Variants in MARCHF1 observed in about 807,000 individuals in gnomAD.
MARCHF1 encodes the protein membrane associated ring-CH-type finger 1.
In MARCHF1, 40 loss-of-function variants were observed where a neutral mutation model predicts 54.2. That is an observed-to-expected ratio of 0.74 (90% confidence interval 0.57 to 0.96). The LOEUF is 0.96. Among genes scored for constraint, MARCHF1 ranks in the 40% least tolerant of loss-of-function variants. MARCHF1 has a pLI of 0.00. For synonymous variants in MARCHF1, 236 were observed against 236.3 expected (o/e 1.00, Z 0.01); for missense variants, 586 against 656.5 (o/e 0.89, Z 1.17).
chr4:163,608,266 A>G (rs1741208818), intron 7 of MARCHF1, among the ~76,000 whole-genome samples: 1 of 152,052 alleles, frequency 6.6e-6, no homozygotes, highest in Non-Finnish European at 1.5e-5. Context: ...ATTTAAACTG[A>G]GAAAGAATAG....
chr4:164,023,218 C>G (rs1282190076), intron 2 of MARCHF1, among the ~76,000 whole-genome samples: 1 of 152,200 alleles, frequency 6.6e-6, no homozygotes. Context: ...GATCTCTGCT[C>G]TGGAGAGCCA....
intron 2 of MARCHF1, among the ~76,000 whole-genome samples, chr4:164,014,571 G>A (rs1753497242): frequency 6.6e-6 from 1 of 151,918 alleles, no homozygotes; most frequent in African/African-American, 2.4e-5. Flanking sequence ...AATGTAAATG[G>A]ACAAAATTAT....
rs557653938 is a variant in MARCHF1, at chr4:164,205,741, T to A, written c.-322-94079A>T. ...CAGTTGTCTATTTAAAAAAAAAAAA[T>A]TTCTCTAACTATTCTTGAATTTAAT... On this transcript the variant is annotated intron_variant, in intron 1 of 9. Transcript: ENST00000514618. Among the ~76,000 whole-genome samples, 9 of 152,146 alleles carry A rather than the reference T, an allele frequency of 5.9e-5. No homozygotes were observed. In the South Asian group the frequency reaches 6.2e-4, roughly 11 times the overall value.
At chr4:163,652,317 C>T (rs1185651420) in intron 5 of MARCHF1, among the ~76,000 whole-genome samples, 1 of 151,874 alleles carries the variant, frequency 6.6e-6, no homozygotes, top group African/African-American at 2.4e-5. Flanking sequence ...CATTCAAACA[C>T]TTTGCAGTGG....
At chr4:164,192,431 A>C (rs919194720) in intron 1 of MARCHF1, among the ~76,000 whole-genome samples, 12 of 152,214 alleles carry the variant, frequency 7.9e-5, no homozygotes, top group African/African-American at 2.9e-4. Flanking sequence ...ATGAGCCCTC[A>C]TAAGAGAGTC....
chr4:163,784,174 T>C (rs1747549530), intron 4 of MARCHF1, among the ~76,000 whole-genome samples: 1 of 151,996 alleles, frequency 6.6e-6, no homozygotes, highest in South Asian at 2.1e-4. Flanking sequence ...GTGGATAGTT[T>C]CAATTGACAA....
At chr4:164,232,539 A>G (rs184238854) in intron 1 of MARCHF1, among the ~76,000 whole-genome samples, 1 of 152,270 alleles carries the variant, frequency 6.6e-6, no homozygotes, top group African/African-American at 2.4e-5. Flanking sequence ...TAGAACTACT[A>G]TTTCTAAACC....
At chr4:163,918,275 G>A (rs1751353091) in intron 3 of MARCHF1, among the ~76,000 whole-genome samples, 1 of 152,044 alleles carries the variant, frequency 6.6e-6, no homozygotes, top group African/African-American at 2.4e-5. Flanking sequence ...CTTCTTTTGA[G>A]TTGCAAAGAC....
intron 1 of MARCHF1, among the ~76,000 whole-genome samples, chr4:164,339,768 G>A (rs1013346750): frequency 6.6e-6 from 1 of 152,014 alleles, no homozygotes; most frequent in Non-Finnish European, 1.5e-5. Context: ...AAAGATCAAT[G>A]AAACTGAGGT....
intron 1 of MARCHF1, among the ~76,000 whole-genome samples, chr4:164,192,382 C>T (rs1414879781): frequency 2.0e-5 from 3 of 152,252 alleles, no homozygotes; most frequent in South Asian, 2.1e-4. Flanking sequence ...TAATTATGCT[C>T]AGCTTCAAAG....
At chr4:163,645,103 A>G (rs1742704093) in intron 5 of MARCHF1, among the ~76,000 whole-genome samples, 1 of 152,158 alleles carries the variant, frequency 6.6e-6, no homozygotes, top group African/African-American at 2.4e-5. Flanking sequence ...ACATTTATCC[A>G]TAAACCTGGT....
intron 8 of MARCHF1, among the ~76,000 whole-genome samples, chr4:163,552,365 T>C (rs1739134178): frequency 6.6e-6 from 1 of 152,196 alleles, no homozygotes; most frequent in South Asian, 2.1e-4. Context: ...AGACAGTGTG[T>C]GCACGCAGCG....
intron 4 of MARCHF1, among the ~76,000 whole-genome samples, chr4:163,841,014 C>T (rs183633780): frequency 1.3e-5 from 2 of 151,928 alleles, no homozygotes; most frequent in African/African-American, 2.4e-5. Flanking sequence ...CTTTGTATAG[C>T]AAACTCAACA....
Position 163,529,036 on chromosome 4 carries a change from T to G in MARCHF1, c.1350A>C (p.Glu450Asp). The change falls in exon 10 of 10, where the codon GAA becomes GAC. Residue 450 changes from glutamate to aspartate, a missense_variant. By Grantham distance (45) the Glu-to-Asp change is conservative (BLOSUM62 2). Coordinates refer to ENST00000514618, the MANE Select transcript of MARCHF1 (RefSeq NM_001394959.1). ...IKQGNDNGVL[E>D]WPFWTKLVVV... ...CAACCAGTTTTGTCCAAAATGGCCA[T>G]TCAAGGACACCTTTGAAATGAAAAA... 1 of 1,604,990 alleles carries G rather than the reference T, an allele frequency of 6.2e-7. No individual in the cohort carries two copies. The highest frequency in any genetic ancestry group is 8.5e-7 in the Non-Finnish European group (1 of 1,173,714).
chr4:164,123,069 C>T (rs1473942901), intron 1 of MARCHF1, among the ~76,000 whole-genome samples: 2 of 152,104 alleles, frequency 1.3e-5, no homozygotes, highest in African/African-American at 4.8e-5. Flanking sequence ...AACCTTAAGA[C>T]TCCACAAGAA....
chr4:164,372,381 C>T (rs935304724), intron 1 of MARCHF1, among the ~76,000 whole-genome samples: 1 of 152,086 alleles, frequency 6.6e-6, no homozygotes. Context: ...AGTTAACACA[C>T]AGCATATTAC....
At chr4:164,267,421 C>G (rs893323579) in intron 1 of MARCHF1, among the ~76,000 whole-genome samples, 1 of 152,168 alleles carries the variant, frequency 6.6e-6, no homozygotes, top group Non-Finnish European at 1.5e-5. Flanking sequence ...TTCTTTTGCC[C>G]TCTCACTTGA....
intron 4 of MARCHF1, among the ~76,000 whole-genome samples, chr4:163,733,225 G>GTATATATATATATATATACACACA: frequency 7.7e-5 from 1 of 13,032 alleles, no homozygotes; most frequent in African/African-American, 2.0e-4. Context: ...ATATATACAC[G>GTATATATATATATATATACACACA]TGTATATATA....
At chr4:163,645,430 G>A (rs548931483) in intron 5 of MARCHF1, among the ~76,000 whole-genome samples, 2 of 152,240 alleles carry the variant, frequency 1.3e-5, no homozygotes, top group Non-Finnish European at 2.9e-5. Flanking sequence ...TCCTTCAAAT[G>A]GAGACTCCAG....
Sources: gnomAD v4.1 joint callset for allele counts (sites outside exome capture counted in the v4.1 genomes callset) on GRCh38, gnomAD v4.1.1 for gene constraint, MANE v1.5 for transcripts, NCBI Gene and HGNC (gene_info 2026-07-23, HGNC 2026-07-21) for gene names.